HOXC5: variants seen among roughly 807,000 people sequenced by gnomAD.
HOXC5 encodes homeobox protein Hox-C5.
Under a neutral mutation model 20.1 loss-of-function variants are expected in HOXC5, and 19 were observed. That is an observed-to-expected ratio of 0.94 (90% confidence interval 0.66 to 1.38). The LOEUF (loss-of-function observed/expected upper bound fraction) is 1.38, where lower values mean the gene tolerates loss of function less well. Among genes scored for constraint, HOXC5 ranks in the 40% most tolerant of loss-of-function variants. The pLI, the probability that HOXC5 is intolerant of heterozygous loss-of-function variation, is 0.00. For missense variants in HOXC5, 330 were observed against 300.1 expected (o/e 1.10, Z -0.74); for synonymous variants, 124 against 117.0 (o/e 1.06, Z -0.39).
intron 1 of HOXC5, 142 bp from the exon 2 acceptor site, chr12:54,034,136 C>G (rs538350798): frequency 1.2e-5 from 10 of 828,008 alleles, no homozygotes; most frequent in Admixed American, 1.9e-5. Flanking sequence ...TGGGCTGGCC[C>G]GCCTGCGGCC....
the HOXC5 span, among the ~76,000 whole-genome samples, chr12:54,019,480 T>TA: frequency 6.6e-6 from 1 of 151,926 alleles, no homozygotes; most frequent in Middle Eastern, 3.4e-3. Flanking sequence ...TCTCCTGGAG[T>TA]AATGTGGGAA....
At chr12:54,030,982 C>A (rs536137632), upstream of HOXC5, among the ~76,000 whole-genome samples, 2 of 152,386 alleles carry the variant, frequency 1.3e-5, no homozygotes, top group East Asian at 3.9e-4. Flanking sequence ...TCTGTTCGTT[C>A]TCGCGATCGC....
At chr12:54,020,249 C>T in the HOXC5 span, 2 of 152,238 alleles carry the variant, frequency 1.3e-5, no homozygotes, top group East Asian at 3.9e-4. Context: ...ACACCCGGGG[C>T]AGAGACACTG....
chr12:54,027,192 C>A, the HOXC5 span, among the ~76,000 whole-genome samples: 2 of 152,192 alleles, frequency 1.3e-5, no homozygotes, highest in Non-Finnish European at 2.9e-5. Flanking sequence ...CTTTTTTTAG[C>A]CCCAAGATGG....
chr12:54,026,973 G>A, the HOXC5 span, among the ~76,000 whole-genome samples: 5 of 140,692 alleles, frequency 3.6e-5, no homozygotes, highest in African/African-American at 1.2e-4. Context: ...GTGGGGGGGG[G>A]GGGATATGAG....
At chr12:54,032,991 A>G (rs1941044117), upstream of HOXC5, 3 of 705,810 alleles carry the variant, frequency 4.3e-6, no homozygotes, top group Admixed American at 2.9e-5. Flanking sequence ...GGAAGAGCGC[A>G]TAGGATAAAG....
In HOXC5 at chr12:54,034,577, C is replaced by G; in HGVS notation, c.*85C>G. ...CTTTTCGCCTTTCCTCTCTATATTT[C>G]GGGTCGGGGGCAGGTGCTGGAGCAC... is the stretch of plus-strand genomic sequence containing the variant. On this transcript the variant is annotated 3_prime_UTR_variant, in exon 2 of 2. Transcript: ENST00000312492. 1 of 1,186,792 alleles carries G rather than the reference C, an allele frequency of 8.4e-7. No homozygotes were observed. Among genetic ancestry groups the G allele is most frequent in the South Asian group, 1.4e-5 (1 of 72,852 alleles). 73.5% of individuals were successfully genotyped at this position (1,186,792 alleles called of 1,614,324 possible). A position where few individuals can be genotyped will look rare whatever the true frequency, so the allele number is the denominator to read the frequency against.
In HOXC5 at chr12:54,034,363, C is replaced by A; in HGVS notation, c.540C>A (p.Leu180=). ...LEKEFHFNRY[L]TRRRRIEIAN... ...AAGAATTCCACTTTAACCGCTACCT[C>A]ACTCGCCGCAGGCGCATAGAGATCG... is the stretch of plus-strand genomic sequence containing the variant. Residue 180 remains leucine, a synonymous_variant, in exon 2 of 2, where the codon CTC becomes CTA. Transcript: ENST00000312492. The A allele has an allele frequency of 6.2e-7, 1 of 1,614,236 alleles. No homozygotes were observed. The highest frequency in any genetic ancestry group is 1.1e-5 in the South Asian group (1 of 91,088).
At chr12:54,029,579 G>A, upstream of HOXC5, 3 of 1,492,250 alleles carry the variant, frequency 2.0e-6, no homozygotes, top group Non-Finnish European at 1.8e-6. Context: ...GGAGGGTCAG[G>A]ACTTTGCTAG....
rs1195699780 is a variant in HOXC5 at position 54,033,611 on chromosome 12, C to A, written c.454+35C>A. 6 of 1,488,814 alleles carry A rather than the reference C, an allele frequency of 4.0e-6. No individual in the cohort carries two copies. In the African/African-American group the frequency reaches 7.0e-5, roughly 17 times the overall value. The allele number at this position is 1,488,814 out of a possible 1,614,324, so 92.2% of individuals were successfully genotyped here. On this transcript the variant is annotated intron_variant, in intron 1 of 1. Transcript: ENST00000312492. The stretch of plus-strand genomic sequence containing the variant: ...AGGACTTCATTTTGCGCTCTCGGGT[C>A]CGCCTGGGTTTTATAGGCCATGCGG...
At chr12:54,029,601 T>G, upstream of HOXC5, 2 of 1,563,942 alleles carry the variant, frequency 1.3e-6, no homozygotes. Flanking sequence ...CGAAACAGTC[T>G]GCAGAGGACG....
At chr12:54,029,067 C>A, upstream of HOXC5, 1 of 803,148 alleles carries the variant, frequency 1.2e-6, no homozygotes, top group Non-Finnish European at 1.9e-6. Context: ...GCCCCCTCTT[C>A]TGCCCCCTCA....
rs1341839576 is a variant in HOXC5 at position 54,034,817 on chromosome 12, G to A, written c.*325G>A. 6.0e-6 allele frequency: 2 copies of A among 332,866 alleles called. No individual in the cohort carries two copies. Among genetic ancestry groups the A allele is most frequent in the Non-Finnish European group, 1.1e-5 (2 of 174,566 alleles). 20.6% of individuals were successfully genotyped at this position (332,866 alleles called of 1,614,324 possible). On this transcript the variant is annotated 3_prime_UTR_variant, in exon 2 of 2. Transcript: ENST00000312492. Reference sequence around the variant, plus strand: ...GAACCTTGGCCTGGGCCGTATCTCCGGCTCCCAGCCTCAGCGCGGCCCTCC... The same window carrying A: ...GAACCTTGGCCTGGGCCGTATCTCCAGCTCCCAGCCTCAGCGCGGCCCTCC...
At position 54,033,390 on chromosome 12, in the gene HOXC5, G is replaced by C; in HGVS notation, c.268G>C (p.Glu90Gln). 1 of 1,612,648 alleles carries C rather than the reference G, an allele frequency of 6.2e-7. No individual in the cohort carries two copies. The highest frequency in any genetic ancestry group is 8.5e-7 in the Non-Finnish European group (1 of 1,179,538). ...TCCGGGACACGCTCCGGGCAGAGAC[G>C]AAGCGGCTCCTCTGAACCCCGGGAT... is the stretch of plus-strand genomic sequence containing the variant. ...AAPGHAPGRD[E>Q]AAPLNPGMYS... is the part of the protein sequence containing the mutation. The change falls in exon 1 of 2, where the codon GAA becomes CAA. Residue 90 changes from glutamate to glutamine, a missense_variant. Glu to Gln is a conservative substitution (Grantham distance 29). Coordinates refer to ENST00000312492, the MANE Select transcript of HOXC5 (RefSeq NM_018953.4).
At position 54,033,057 on chromosome 12, in the gene HOXC5, C is replaced by T. The variant is rs1941046326; in HGVS notation, c.-66C>T. ...CTTTGGAGAACAAAAAACCCCTCAA[C>T]TTCAAAGAGTCACAAATCACCCTTA... On this transcript the variant is annotated 5_prime_UTR_variant, in exon 1 of 2. Coordinates refer to ENST00000312492, the MANE Select transcript of HOXC5 (RefSeq NM_018953.4). 4.4e-6 allele frequency: 6 copies of T among 1,373,872 alleles called. No individual in the cohort carries two copies. Among genetic ancestry groups the T allele is most frequent in the South Asian group, 1.3e-5 (1 of 75,454 alleles). 85.1% of individuals were successfully genotyped at this position (1,373,872 alleles called of 1,614,324 possible).
chr12:54,029,060 C>A, upstream of HOXC5: 1 of 818,986 alleles, frequency 1.2e-6, no homozygotes, highest in Non-Finnish European at 1.9e-6. Flanking sequence ...AGACAGGGCC[C>A]CCTCTTCTGC....
upstream of HOXC5, chr12:54,028,504 C>T (rs765601651): frequency 1.4e-5 from 22 of 1,609,024 alleles, no homozygotes; most frequent in South Asian, 5.5e-5. Context: ...CATAGACCGA[C>T]CAGGTAAAGG....
chr12:54,025,707 G>A, the HOXC5 span, among the ~76,000 whole-genome samples: 195 of 152,088 alleles, frequency 1.3e-3, no homozygotes, highest in African/African-American at 4.6e-3. Context: ...CTCTGTTTAG[G>A]GACGTCATAA....
upstream of HOXC5, chr12:54,028,795 T>A (rs779640921): frequency 4.3e-6 from 7 of 1,613,940 alleles, no homozygotes; most frequent in East Asian, 1.6e-4. Flanking sequence ...ACAAAACACC[T>A]TAGGACATAA....
Sources: gnomAD v4.1 joint callset for allele counts (sites outside exome capture counted in the v4.1 genomes callset) on GRCh38, gnomAD v4.1.1 for gene constraint, MANE v1.5 for transcripts, NCBI Gene and HGNC (gene_info 2026-07-23, HGNC 2026-07-21) for gene names.